ERGIC1: variants seen among roughly 807,000 people sequenced by gnomAD.
ERGIC1 encodes endoplasmic reticulum-Golgi intermediate compartment protein 1.
ERGIC1 carries 19 observed loss-of-function variants against 38.3 expected under a neutral mutation model. The observed-to-expected ratio is 0.50, with a 90% CI of 0.35 to 0.73. ERGIC1 has a LOEUF of 0.73. ERGIC1 is among the 30% of genes least tolerant of loss of function. The probability of loss-of-function intolerance (pLI) is 0.01; values close to 1 mark genes in which losing one functional copy is unlikely to be tolerated. For synonymous variants in ERGIC1, 124 were observed against 157.6 expected (o/e 0.79, Z 1.60); for missense variants, 294 against 389.2 (o/e 0.76, Z 2.06).
At chr5:172,857,707 C>T (rs1483269258) in intron 1 of ERGIC1, among the ~76,000 whole-genome samples, 1 of 151,630 alleles carries the variant, frequency 6.6e-6, no homozygotes, top group Non-Finnish European at 1.5e-5. Context: ...TCTCACGTGG[C>T]CCCAGGACCC....
chr5:172,841,154 TATTAACTTAATTAC>T (rs1242681786), intron 1 of ERGIC1, among the ~76,000 whole-genome samples: 1 of 152,218 alleles, frequency 6.6e-6, no homozygotes, highest in African/African-American at 2.4e-5. Flanking sequence ...CTTTTAGGTC[TATTAACTTAATTAC>T]ATTGATTGTA....
At chr5:172,876,100 T>G (rs6863594) in intron 1 of ERGIC1, among the ~76,000 whole-genome samples, 56,634 of 151,998 alleles carry the variant, frequency 0.37, 10,623 homozygotes, top group East Asian at 0.45. Context: ...GGCTTTCTTC[T>G]CTTTGAGATG....
intron 7 of ERGIC1, among the ~76,000 whole-genome samples, chr5:172,928,840 G>A (rs486113): frequency 6.6e-6 from 1 of 151,938 alleles, no homozygotes; most frequent in Non-Finnish European, 1.5e-5. Context: ...GTTTCTGCAT[G>A]TGTAAAGTGG....
rs543297926 is a variant in ERGIC1, at chr5:172,860,426, G to A, written c.20+25993G>A. 2.5e-4 allele frequency among the ~76,000 whole-genome samples: 38 copies of A among 152,356 alleles called. No individual in the cohort carries two copies. The South Asian group carries it at 7.7e-3, about 31-fold the overall frequency. ...TTACACATTGGGAAGCCAAGGCACA[G>A]AGAAGTTATTTAACCTGCCCAGCGT... On this transcript the variant is annotated intron_variant, in intron 1 of 9. Coordinates refer to ENST00000393784, the MANE Select transcript of ERGIC1 (RefSeq NM_001031711.3).
chr5:172,845,420 C>T (rs1446361300), intron 1 of ERGIC1, among the ~76,000 whole-genome samples: 9 of 152,182 alleles, frequency 5.9e-5, no homozygotes, highest in Non-Finnish European at 1.0e-4. Context: ...AGGGCTGGTC[C>T]TCTTGCCGGA....
chr5:172,926,556 AC>A lies in ERGIC1; in HGVS notation c.529del (p.Leu177SerfsTer13). On this transcript the variant is annotated frameshift_variant, in exon 7 of 10. Coordinates refer to ENST00000393784, the MANE Select transcript of ERGIC1 (RefSeq NM_001031711.3). LOFTEE classifies it high-confidence loss of function. The surrounding 1 kb of genome is among the most constrained non-coding windows in gnomAD (Gnocchi z 5.2). Reference sequence around the variant, plus strand: ...TCAATGCTCTCGGGGGAGCAGACAGACTCACCTCCAACCGTATGTATCCCTG... The same window carrying A: ...TCAATGCTCTCGGGGGAGCAGACAGATCACCTCCAACCGTATGTATCCCTG... ...AFNALGGADRLTSNPLASHDY... is the reference protein window; with the variant it reads ...AFNALGGADRXTSNPLASHDY... 1 of 1,611,598 alleles carries A rather than the reference AC, an allele frequency of 6.2e-7. No individual in the cohort carries two copies. The highest frequency in any genetic ancestry group is 8.5e-7 in the Non-Finnish European group (1 of 1,179,604).
At chr5:172,937,194 A>G (rs1763904648) in intron 9 of ERGIC1, 1 of 152,158 alleles carries the variant, frequency 6.6e-6, no homozygotes, top group South Asian at 2.1e-4. Context: ...TTGCCATCCA[A>G]ATGGGAAAGG....
intron 1 of ERGIC1, among the ~76,000 whole-genome samples, chr5:172,838,600 A>T (rs1028265708): frequency 3.0e-4 from 45 of 151,664 alleles, no homozygotes; most frequent in Non-Finnish European, 4.0e-4. Context: ...ATTCCTTTTT[A>T]AAAAAAAATT....
chr5:172,893,933 G>GTGTGTGTGTGTGTGTGTA (rs1762645432), intron 2 of ERGIC1, among the ~76,000 whole-genome samples: 1 of 51,014 alleles, frequency 2.0e-5, no homozygotes, highest in African/African-American at 9.7e-5. Context: ...GTGTGTGTGT[G>GTGTGTGTGTGTGTGTGTA]TGTATATATA....
chr5:172,838,397 G>A (rs11134762), intron 1 of ERGIC1, among the ~76,000 whole-genome samples: 34,542 of 152,010 alleles, frequency 0.23, 4,142 homozygotes, highest in East Asian at 0.32. Context: ...GCCCTGATGG[G>A]GCTGGCCCTG....
intron 1 of ERGIC1, among the ~76,000 whole-genome samples, chr5:172,863,941 A>G (rs1239854154): frequency 6.6e-6 from 1 of 152,232 alleles, no homozygotes; most frequent in Non-Finnish European, 1.5e-5. Flanking sequence ...CACGCCTGTA[A>G]TCCCAGCACT....
chr5:172,908,892 G>A (rs1465753725), intron 3 of ERGIC1, among the ~76,000 whole-genome samples: 1 of 152,190 alleles, frequency 6.6e-6, no homozygotes, highest in Non-Finnish European at 1.5e-5. Flanking sequence ...CTTCCCGGCT[G>A]GGGGAAGGGG....
intron 1 of ERGIC1, among the ~76,000 whole-genome samples, chr5:172,868,237 G>C (rs2113144544): frequency 6.6e-6 from 1 of 152,296 alleles, no homozygotes; most frequent in African/African-American, 2.4e-5. Flanking sequence ...GTAAAACACT[G>C]GCGGTTCAGA....
At chr5:172,893,935 G>GTGTATA (rs1429850022) in intron 2 of ERGIC1, among the ~76,000 whole-genome samples, 10 of 42,824 alleles carry the variant, frequency 2.3e-4, no homozygotes, top group African/African-American at 5.8e-4. Flanking sequence ...GTGTGTGTGT[G>GTGTATA]TATATATATA....
chr5:172,943,059 T>C (rs527855362), intron 9 of ERGIC1, among the ~76,000 whole-genome samples: 60 of 152,240 alleles, frequency 3.9e-4, no homozygotes, highest in African/African-American at 1.4e-3. Context: ...TGATCCTTGC[T>C]TACTCGGTAG....
At chr5:172,856,009 T>A (rs1251070365) in intron 1 of ERGIC1, among the ~76,000 whole-genome samples, 1 of 152,250 alleles carries the variant, frequency 6.6e-6, no homozygotes, top group East Asian at 1.9e-4. Flanking sequence ...TCATCAAATG[T>A]CACTTATTAA....
chr5:172,880,228 G>T (rs1026306831), intron 1 of ERGIC1, among the ~76,000 whole-genome samples: 2 of 152,012 alleles, frequency 1.3e-5, no homozygotes, highest in Admixed American at 1.3e-4. Flanking sequence ...GTAGAGACAG[G>T]GTTTTGCCAT....
At chr5:172,915,997 C>G (rs1763355634) in intron 5 of ERGIC1, 1 of 204,498 alleles carries the variant, frequency 4.9e-6, no homozygotes. Flanking sequence ...TTTTAAAAGT[C>G]AGAGGCTCTC....
At chr5:172,868,336 A>G (rs531480566) in intron 1 of ERGIC1, among the ~76,000 whole-genome samples, 83 of 152,356 alleles carry the variant, frequency 5.4e-4, no homozygotes, top group Middle Eastern at 3.4e-3. Flanking sequence ...TACCAAGCAC[A>G]CTGGTTCATC....
Sources: allele counts gnomAD v4.1 joint callset (sites outside exome capture counted in the v4.1 genomes callset), GRCh38; gene constraint gnomAD v4.1.1; non-coding constraint Gnocchi (gnomAD v3.1); transcripts MANE v1.5; gene names NCBI Gene and HGNC (gene_info 2026-07-23, HGNC 2026-07-21).